Variants in PTPRK observed in about 807,000 individuals in gnomAD.
The protein encoded by PTPRK is receptor-type tyrosine-protein phosphatase kappa.
In PTPRK, 75 loss-of-function variants were observed where a neutral mutation model predicts 178.0. The ratio of observed to expected loss-of-function variants is 0.42; its 90% confidence interval spans 0.35 to 0.51. PTPRK has a LOEUF of 0.51. Ranked by LOEUF, PTPRK falls within the 20% of genes least tolerant of loss-of-function variation. The pLI is 0.02. For missense variants in PTPRK, 1,441 were observed against 1,797.8 expected (o/e 0.80, Z 3.59); for synonymous variants, 637 against 620.6 (o/e 1.03, Z -0.39).
intron 7 of PTPRK, among the ~76,000 whole-genome samples, chr6:128,097,015 G>A (rs1312697118): frequency 1.3e-5 from 2 of 152,094 alleles, no homozygotes; most frequent in Non-Finnish European, 2.9e-5. Flanking sequence ...GGATAATCAA[G>A]GTTTTACATT....
intron 7 of PTPRK, among the ~76,000 whole-genome samples, chr6:128,125,697 C>T (rs1023785481): frequency 1.3e-5 from 2 of 150,082 alleles, no homozygotes; most frequent in Admixed American, 1.3e-4. Context: ...GCAACCCCCG[C>T]CTCCCAGGTT....
At chr6:128,393,265 A>G (rs1839859040) in intron 2 of PTPRK, among the ~76,000 whole-genome samples, 1 of 151,628 alleles carries the variant, frequency 6.6e-6, no homozygotes, top group African/African-American at 2.4e-5. Context: ...TAATTTTTCT[A>G]TTTTTAGTAG....
chr6:128,381,119 G>A (rs1837849480), intron 2 of PTPRK, among the ~76,000 whole-genome samples: 2 of 151,936 alleles, frequency 1.3e-5, no homozygotes, highest in African/African-American at 4.8e-5. Flanking sequence ...TTCTTCCTTG[G>A]CCTTATGACA....
chr6:128,322,334 A>C, intron 2 of PTPRK, 24 bp from the exon 3 acceptor site: 1 of 1,530,174 alleles, frequency 6.5e-7, no homozygotes. Context: ...ACAAATAATA[A>C]TGCTAAAGAG....
At position 128,103,488 on chromosome 6, in the gene PTPRK, G is replaced by A. The variant is rs752414422; in HGVS notation, c.1163-13496C>T. Among the ~76,000 whole-genome samples the A allele has an allele frequency of 2.0e-5, 3 of 152,074 alleles. No individual in the cohort carries two copies. In the South Asian group the frequency reaches 6.2e-4, roughly 32 times the overall value. On this transcript the variant is annotated intron_variant, in intron 7 of 29. Coordinates refer to ENST00000368226, the MANE Select transcript of PTPRK (RefSeq NM_002844.4). ...GGCACCCACCCCTAGTTGCTACTGTGGGGCTAGAGCCCAAAAGTGCTCACC... is the reference window on the plus strand; with the variant it reads ...GGCACCCACCCCTAGTTGCTACTGTAGGGCTAGAGCCCAAAAGTGCTCACC...
intron 1 of PTPRK, among the ~76,000 whole-genome samples, chr6:128,493,209 T>C (rs1854085391): frequency 6.6e-6 from 1 of 152,120 alleles, no homozygotes; most frequent in South Asian, 2.1e-4. Flanking sequence ...AAACTGGAAA[T>C]TAAAACTGCA....
At chr6:128,445,343 T>C (rs1171884969) in intron 1 of PTPRK, among the ~76,000 whole-genome samples, 4 of 146,876 alleles carry the variant, frequency 2.7e-5, no homozygotes, top group Non-Finnish European at 5.9e-5. Flanking sequence ...CTTTTATATA[T>C]ATGAAAGTAT....
At chr6:128,488,658 T>G (rs1853325272) in intron 1 of PTPRK, among the ~76,000 whole-genome samples, 1 of 152,224 alleles carries the variant, frequency 6.6e-6, no homozygotes, top group African/African-American at 2.4e-5. Flanking sequence ...CAAAATTGCT[T>G]ACTGGAGTGC....
intron 2 of PTPRK, among the ~76,000 whole-genome samples, chr6:128,375,857 T>A (rs1321883335): frequency 6.6e-6 from 1 of 152,094 alleles, no homozygotes; most frequent in Non-Finnish European, 1.5e-5. Flanking sequence ...CCCATGAAAG[T>A]CCAAAATCCA....
chr6:128,298,496 C>G (rs1824920072), intron 3 of PTPRK, among the ~76,000 whole-genome samples: 1 of 151,852 alleles, frequency 6.6e-6, no homozygotes, highest in Non-Finnish European at 1.5e-5. Context: ...CCGAATCCAG[C>G]AGCACATCAA....
intron 3 of PTPRK, among the ~76,000 whole-genome samples, chr6:128,278,123 T>TTTTA (rs201597116): frequency 0.1 from 14,936 of 143,650 alleles, 869 homozygotes; most frequent in Non-Finnish European, 0.12. Context: ...TTTTTGTGTT[T>TTTTA]TTTATTTATT....
chr6:127,998,665 C>T lies in PTPRK; in HGVS notation c.2679+55G>A, dbSNP rs940863443. ...AAGAGAGGGAAAAAAATGCTAAATT[C>T]CACTGAGTATCATAGTTAAAAATCA... is the stretch of plus-strand genomic sequence containing the variant. On this transcript the variant is annotated intron_variant, in intron 16 of 29. Coordinates refer to ENST00000368226, the MANE Select transcript of PTPRK (RefSeq NM_002844.4). 51 of 1,420,724 alleles carry T rather than the reference C, an allele frequency of 3.6e-5. 1 individual carries two copies. In the Admixed American group the frequency reaches 1.2e-3, roughly 32 times the overall value. The allele number at this position is 1,420,724 out of a possible 1,614,324, so 88.0% of individuals were successfully genotyped here. A position where few individuals can be genotyped will look rare whatever the true frequency, so the allele number is the denominator to read the frequency against.
chr6:128,051,649 C>T (rs1167369264), intron 13 of PTPRK, among the ~76,000 whole-genome samples: 2 of 152,168 alleles, frequency 1.3e-5, no homozygotes, highest in African/African-American at 4.8e-5. Flanking sequence ...TAGCTTCTCT[C>T]CTACCTCACT....
chr6:128,480,079 C>T (rs759991150), intron 1 of PTPRK, among the ~76,000 whole-genome samples: 5 of 152,134 alleles, frequency 3.3e-5, no homozygotes, highest in South Asian at 2.1e-4. Flanking sequence ...AGTGCTGCCC[C>T]GACTCCCACT....
intron 1 of PTPRK, among the ~76,000 whole-genome samples, chr6:128,517,597 T>G (rs1164817162): frequency 6.6e-6 from 1 of 152,188 alleles, no homozygotes; most frequent in African/African-American, 2.4e-5. Flanking sequence ...GTTTTACACT[T>G]TAACTGCAAA....
At chr6:128,479,311 A>C (rs1034883096) in intron 1 of PTPRK, among the ~76,000 whole-genome samples, 1 of 152,106 alleles carries the variant, frequency 6.6e-6, no homozygotes, top group Non-Finnish European at 1.5e-5. Flanking sequence ...TATGACACTA[A>C]AAATTAGGGG....
intron 13 of PTPRK, among the ~76,000 whole-genome samples, chr6:128,050,024 T>G (rs1778734489): frequency 6.6e-6 from 1 of 152,010 alleles, no homozygotes; most frequent in African/African-American, 2.4e-5. Context: ...TAATCCCAGC[T>G]ACTTCAGAGG....
chr6:128,339,008 T>C (rs1305689110), intron 2 of PTPRK, among the ~76,000 whole-genome samples: 2 of 152,144 alleles, frequency 1.3e-5, no homozygotes, highest in African/African-American at 2.4e-5. Flanking sequence ...TGCTATTATG[T>C]TTTTTGCTTT....
intron 18 of PTPRK, among the ~76,000 whole-genome samples, chr6:127,994,978 C>T (rs750545923): frequency 6.6e-6 from 1 of 151,834 alleles, no homozygotes; most frequent in African/African-American, 2.4e-5. Flanking sequence ...AAGCCAGAAA[C>T]AGAAATCATC....
Sources: allele counts gnomAD v4.1 joint callset (sites outside exome capture counted in the v4.1 genomes callset), GRCh38; gene constraint gnomAD v4.1.1; transcripts MANE v1.5; gene names NCBI Gene and HGNC (gene_info 2026-07-23, HGNC 2026-07-21).